BCORL1: variants seen among roughly 807,000 people sequenced by gnomAD.
BCORL1 encodes the protein BCL-6 corepressor-like protein 1.
BCORL1 carries 7 observed loss-of-function variants against 87.6 expected under a neutral mutation model. The observed-to-expected ratio is 0.08, with a 90% CI of 0.05 to 0.15. The LOEUF (loss-of-function observed/expected upper bound fraction) is 0.15, where lower values mean the gene tolerates loss of function less well. BCORL1 is among the 10% of genes least tolerant of loss of function. The pLI is 1.00. For missense variants in BCORL1, 1,215 were observed against 1,499.7 expected (o/e 0.81, Z 3.13); for synonymous variants, 591 against 634.4 (o/e 0.93, Z 1.03).
intron 6 of BCORL1, among the ~76,000 whole-genome samples, 181 bp downstream of exon 6, chrX:130,023,158 C>T (rs1050737469): frequency 9.0e-6 from 1 of 111,512 alleles, no homozygotes; most frequent in Non-Finnish European, 1.9e-5. Flanking sequence ...GACAAATAGT[C>T]CTCAAATATT....
At chrX:130,052,906 C>T (rs1407926846) in intron 13 of BCORL1, among the ~76,000 whole-genome samples, 2 of 112,302 alleles carry the variant, frequency 1.8e-5, no homozygotes, top group Admixed American at 9.4e-5. Flanking sequence ...CTTTGGGAGG[C>T]CGAGGCAGGT....
chrX:130,032,783 T>C (rs986574702), intron 8 of BCORL1, among the ~76,000 whole-genome samples: 32 of 108,376 alleles, frequency 3.0e-4, no homozygotes, highest in Admixed American at 6.0e-4. Context: ...TTATTTGTAA[T>C]GGAGTTTCAC....
At chrX:130,023,174 C>G (rs1929975102) in intron 6 of BCORL1, among the ~76,000 whole-genome samples, 197 bp downstream of exon 6, 1 of 111,470 alleles carries the variant, frequency 9.0e-6, no homozygotes, top group African/African-American at 3.3e-5. Context: ...ATATTGCCCA[C>G]TGTTTGAGGA....
At chrX:130,041,879 G>A (rs1435128437) in intron 11 of BCORL1, among the ~76,000 whole-genome samples, 2 of 111,712 alleles carry the variant, frequency 1.8e-5, no homozygotes, top group African/African-American at 3.2e-5. Flanking sequence ...CGCCCGCCTC[G>A]GCCTCCCAAA....
intron 7 of BCORL1, among the ~76,000 whole-genome samples, chrX:130,026,767 A>C (rs1056352053): frequency 8.9e-6 from 1 of 112,870 alleles, no homozygotes; most frequent in Admixed American, 9.3e-5. Context: ...AAGGCATCCT[A>C]CTTGATTTGG....
intron 11 of BCORL1, among the ~76,000 whole-genome samples, chrX:130,047,460 C>A (rs1038327978): frequency 1.8e-5 from 2 of 112,255 alleles, no homozygotes; most frequent in Non-Finnish European, 3.8e-5. Flanking sequence ...CCTGTTTGAG[C>A]TTTAGCTTCT....
rs1247459467 is a variant in BCORL1 at position 130,043,770 on chromosome X, ATATATATATATATATTT to A, written c.4840+4490_4840+4506del. 1.1e-3 allele frequency among the ~76,000 whole-genome samples: 21 copies of A among 18,962 alleles called. 1 individual carries two copies. Among genetic ancestry groups the A allele is most frequent in the South Asian group, 8.0e-3 (2 of 249 alleles). 16.5% of individuals were successfully genotyped at this position (18,962 alleles called of 115,157 possible). A position where few individuals can be genotyped will look rare whatever the true frequency, so the allele number is the denominator to read the frequency against. On this transcript the variant is annotated intron_variant, in intron 11 of 13. Coordinates refer to ENST00000540052, the MANE Select transcript of BCORL1 (RefSeq NM_001379451.1). ...GTTATATATATATATATATATATAT[ATATATATATATATATTT>A]TTTTTTTTTTTTTTTTTTGAGACGG...
chrX:130,034,661 G>A lies in BCORL1; in HGVS notation c.4512G>A (p.Ala1504=), dbSNP rs1322456009. The change falls in exon 9 of 14, where the codon GCG becomes GCA. Residue 1504 remains alanine, a synonymous_variant. Coordinates refer to ENST00000540052, the MANE Select transcript of BCORL1 (RefSeq NM_001379451.1). ...NAGETLLQRA[A]RLGYKDVVLY... is the part of the protein sequence containing the mutation. ...GTGAGACCCTCCTGCAGAGGGCGGC[G>A]CGTCTTGGCTATAAGGTAAGGGAGT... The A allele has an allele frequency of 3.1e-6, 3 of 979,757 alleles. No homozygotes were observed. The highest frequency in any genetic ancestry group is 2.6e-6 in the Non-Finnish European group (2 of 754,902). The allele number at this position is 979,757 out of a possible 1,213,427, so 80.7% of individuals were successfully genotyped here.
chrX:130,021,385 A>T (rs1418998668), intron 5 of BCORL1: 1 of 527,110 alleles, frequency 1.9e-6, no homozygotes, highest in Non-Finnish European at 2.3e-6. Context: ...TGGTTTTCCG[A>T]CACAAACACC....
At chrX:130,054,534 G>GGT (rs970118836) in intron 13 of BCORL1, among the ~76,000 whole-genome samples, 8 of 109,754 alleles carry the variant, frequency 7.3e-5, no homozygotes, top group Admixed American at 4.9e-4. Flanking sequence ...TACAATGTGG[G>GGT]GTGTGTGTGT....
Position 130,012,599 on chromosome X carries a change from G to C in BCORL1, c.108G>C (p.Glu36Asp). 1 of 1,210,904 alleles carries C rather than the reference G, an allele frequency of 8.3e-7. No homozygotes were observed. Among genetic ancestry groups the C allele is most frequent in the Non-Finnish European group, 1.1e-6 (1 of 894,676 alleles). Residue 36 changes from glutamate to aspartate, a missense_variant, in exon 3 of 14, where the codon GAG (glutamate) becomes GAC (aspartate). By Grantham distance (45) the Glu-to-Asp change is conservative (BLOSUM62 2). Coordinates refer to ENST00000540052, the MANE Select transcript of BCORL1 (RefSeq NM_001379451.1). ...NEERRAPLSDEESTTGDCQHF... is the reference protein window; with the variant it reads ...NEERRAPLSDDESTTGDCQHF... ...CTAGAAGAGCACCTCTTTCTGATGA[G>C]GAGTCAACGACAGGCGACTGCCAGC...
chrX:130,057,629 A>G lies in BCORL1; in HGVS notation c.*1493A>G, dbSNP rs1932469354. The G allele has an allele frequency of 9.0e-6, 1 of 111,128 alleles. No individual in the cohort carries two copies. Among genetic ancestry groups the G allele is most frequent in the Non-Finnish European group, 1.9e-5 (1 of 52,971 alleles). The allele number at this position is 111,128 out of a possible 1,213,427, so 9.2% of individuals were successfully genotyped here. The stretch of plus-strand genomic sequence containing the variant: ...AACAACAACAAAAAAGAAAATGGAA[A>G]AAAAAAAGATTAAAAAAAAAAGGAA... On this transcript the variant is annotated 3_prime_UTR_variant, in exon 14 of 14. Transcript: ENST00000540052.
At position 130,013,138 on chromosome X, in the gene BCORL1, C is replaced by T; in HGVS notation, c.366C>T (p.Leu122=). 1 of 1,210,951 alleles carries T rather than the reference C, an allele frequency of 8.3e-7. No individual in the cohort carries two copies. Residue 122 remains leucine (L), a synonymous_variant, in exon 4 of 14, where the codon CTC becomes CTT. Coordinates refer to ENST00000540052, the MANE Select transcript of BCORL1 (RefSeq NM_001379451.1). The part of the protein sequence containing the change: ...LVPLSSPGDG[L]KLPASDSAEA... ...CCCTGAGCAGCCCAGGAGACGGGCT[C>T]AAGCTTCCCGCATCTGACAGCGCCG...
At chrX:130,036,247 C>A (rs1440441914) in intron 9 of BCORL1, among the ~76,000 whole-genome samples, 1 of 111,247 alleles carries the variant, frequency 9.0e-6, no homozygotes, top group East Asian at 2.8e-4. Context: ...GGATGAATGG[C>A]AGTATTGGAT....
At chrX:130,004,533 C>G (rs1730597124) in intron 1 of BCORL1, among the ~76,000 whole-genome samples, 1 of 111,869 alleles carries the variant, frequency 8.9e-6, no homozygotes, top group African/African-American at 3.2e-5. Flanking sequence ...GCGTGAGCCA[C>G]CGCGCCCTGC....
chrX:129,985,228 A>T (rs768610652), intron 1 of BCORL1, among the ~76,000 whole-genome samples: 1 of 111,682 alleles, frequency 9.0e-6, no homozygotes, highest in African/African-American at 3.3e-5. Context: ...TGGGGTTGGG[A>T]GTGGATTAGG....
intron 1 of BCORL1, among the ~76,000 whole-genome samples, chrX:129,992,974 T>C (rs1214551354): frequency 9.0e-6 from 1 of 111,725 alleles, no homozygotes; most frequent in Non-Finnish European, 1.9e-5. Context: ...TCAAAAGGGA[T>C]TCAGAATGTC....
intron 1 of BCORL1, among the ~76,000 whole-genome samples, chrX:129,998,378 G>A: frequency 9.2e-6 from 1 of 108,399 alleles, no homozygotes; most frequent in South Asian, 4.1e-4. Context: ...GGGGAGGTGG[G>A]AAGGGAGAAC....
chrX:129,990,852 C>T (rs888429842), intron 1 of BCORL1, among the ~76,000 whole-genome samples: 3 of 111,392 alleles, frequency 2.7e-5, no homozygotes, highest in South Asian at 3.8e-4. Flanking sequence ...GGGAACATTT[C>T]GGGCCATGGG....
Sources: allele counts gnomAD v4.1 joint callset (sites outside exome capture counted in the v4.1 genomes callset), GRCh38; gene constraint gnomAD v4.1.1; transcripts MANE v1.5; gene names NCBI Gene and HGNC (gene_info 2026-07-23, HGNC 2026-07-21).